Variants in CTRC observed in about 807,000 individuals in gnomAD.
CTRC encodes chymotrypsin-C.
CTRC carries 32 observed loss-of-function variants against 35.7 expected under a neutral mutation model. That is an observed-to-expected ratio of 0.90 (90% CI 0.68 to 1.20). The LOEUF (loss-of-function observed/expected upper bound fraction) is 1.20, where lower values mean the gene tolerates loss of function less well. Ranked by LOEUF, CTRC falls within the 50% of genes most tolerant of loss-of-function variation. The pLI, the probability that CTRC is intolerant of heterozygous loss-of-function variation, is 0.00. For synonymous variants in CTRC, 119 were observed against 149.5 expected (o/e 0.80, Z 1.49); for missense variants, 324 against 361.5 (o/e 0.90, Z 0.84).
At chr1:15,439,464 G>A (rs1708091662) in intron 1 of CTRC, among the ~76,000 whole-genome samples, 2 of 151,896 alleles carry the variant, frequency 1.3e-5, no homozygotes, top group Non-Finnish European at 2.9e-5. Flanking sequence ...AAGAGGTAGG[G>A]TCTTTTCATA....
At chr1:15,441,129 G>A (rs748958634) in intron 3 of CTRC, among the ~76,000 whole-genome samples, 1 of 152,144 alleles carries the variant, frequency 6.6e-6, no homozygotes, top group Non-Finnish European at 1.5e-5. Flanking sequence ...GCAATGAGCC[G>A]AGATGGCGCC....
rs2312545 is a variant in CTRC, at chr1:15,447,164, G to A, written c.*575G>A. On this transcript the variant is annotated 3_prime_UTR_variant, in exon 8 of 8. Transcript: ENST00000375949. The stretch of plus-strand genomic sequence containing the variant: ...AGCAGGGACCCCCCACCCCCACCCC[G>A]CAGCACAGACCCCATGGCTGCTGTT... 419 of 214,584 alleles carry A rather than the reference G, an allele frequency of 2.0e-3. 2 individuals are homozygous for A. The highest frequency in any genetic ancestry group is 8.2e-3 in the African/African-American group (350 of 42,652). 13.3% of individuals were successfully genotyped at this position (214,584 alleles called of 1,614,324 possible).
intron 6 of CTRC, 104 bp downstream of exon 6, chr1:15,444,855 GCGAGC>G: frequency 6.7e-7 from 1 of 1,482,708 alleles, no homozygotes; most frequent in Non-Finnish European, 9.3e-7. Context: ...AGGAGACTGA[GCGAGC>G]CCTGGCTGGG....
In CTRC at chr1:15,447,577, C is replaced by T. The variant is rs1319690179; in HGVS notation, c.*988C>T. 2.0e-5 allele frequency: 3 copies of T among 152,534 alleles called. No individual in the cohort carries two copies. Among genetic ancestry groups the T allele is most frequent in the Non-Finnish European group, 4.4e-5 (3 of 68,346 alleles). The allele number at this position is 152,534 out of a possible 1,614,324, so 9.4% of individuals were successfully genotyped here. ...GGGGCAGCCAGAGATGAGAGAGATC[C>T]AATGTCCAGGGAGGGACATGCCAGG... On this transcript the variant is annotated 3_prime_UTR_variant, in exon 8 of 8. Transcript: ENST00000375949.
intron 1 of CTRC, among the ~76,000 whole-genome samples, chr1:15,438,764 G>T (rs764761065): frequency 6.6e-6 from 1 of 152,180 alleles, no homozygotes; most frequent in South Asian, 2.1e-4. Context: ...CACCACGCAA[G>T]GGGGAGGGAC....
chr1:15,445,919 CACTCAT>C (rs1180369928), intron 7 of CTRC, among the ~76,000 whole-genome samples, 170 bp downstream of exon 7: 5 of 152,102 alleles, frequency 3.3e-5, no homozygotes, highest in Non-Finnish European at 5.9e-5. Flanking sequence ...CTTATTCAGT[CACTCAT>C]TCATGTATTT....
chr1:15,440,238 A>AACCCC, intron 1 of CTRC, 62 bp from the exon 2 acceptor site: 2 of 313,704 alleles, frequency 6.4e-6, no homozygotes, highest in Non-Finnish European at 6.5e-6. Flanking sequence ...CCACCCTCCC[A>AACCCC]CCCCTTTCCC....
intron 6 of CTRC, among the ~76,000 whole-genome samples, 179 bp downstream of exon 6, chr1:15,444,930 G>A (rs1708194309): frequency 6.6e-6 from 1 of 152,164 alleles, no homozygotes; most frequent in Admixed American, 6.5e-5. Context: ...CATGAGCATT[G>A]AGCACGAGTA....
chr1:15,444,530 G>A, intron 5 of CTRC, 76 bp from the exon 6 acceptor site: 2 of 1,581,798 alleles, frequency 1.3e-6, no homozygotes, highest in South Asian at 2.2e-5. Context: ...CCAGGCATCT[G>A]CTCCCTGAAG....
chr1:15,444,707 A>C lies in CTRC; in HGVS notation c.595A>C (p.Thr199Pro). The C allele has an allele frequency of 1.9e-6, 3 of 1,614,134 alleles. No homozygotes were observed. The highest frequency in any genetic ancestry group is 2.5e-6 in the Non-Finnish European group (3 of 1,180,026). Reference sequence around the variant, plus strand: ...CTGGTGGGGCTTCAGGGTGAAGAAAACCATGGTGTGCGCTGGGGGCGATGG... The same window carrying C: ...CTGGTGGGGCTTCAGGGTGAAGAAACCCATGGTGTGCGCTGGGGGCGATGG... ...IDWWGFRVKK[T>P]MVCAGGDGVI... The change falls in exon 6 of 8, where the codon ACC (threonine) becomes CCC (proline). Residue 199 changes from threonine to proline, a missense_variant. Physicochemically the swap from Thr to Pro is conservative, Grantham distance 38. Transcript: ENST00000375949.
rs72865144 is a variant in CTRC at position 15,446,504 on chromosome 1, G to T, written c.793-71G>T. On this transcript the variant is annotated intron_variant, in intron 7 of 7. Coordinates refer to ENST00000375949, the MANE Select transcript of CTRC (RefSeq NM_007272.3). ...CCATGCCCCCATGGACCCACCCTCCGGGCAGAGCCCTGTGCCACCCTAGAA... is the reference window on the plus strand; with the variant it reads ...CCATGCCCCCATGGACCCACCCTCCTGGCAGAGCCCTGTGCCACCCTAGAA... The T allele has an allele frequency of 3.3e-6, 5 of 1,537,810 alleles. No homozygotes were observed. In the South Asian group the frequency reaches 3.3e-5, roughly 10 times the overall value.
At chr1:15,439,854 G>T (rs1708099844) in intron 1 of CTRC, among the ~76,000 whole-genome samples, 1 of 152,212 alleles carries the variant, frequency 6.6e-6, no homozygotes, top group African/African-American at 2.4e-5. Context: ...CGATTCTCCT[G>T]CCTCAGCCTC....
intron 1 of CTRC, among the ~76,000 whole-genome samples, chr1:15,439,176 A>T (rs911258467): frequency 5.3e-5 from 8 of 152,144 alleles, no homozygotes; most frequent in African/African-American, 1.9e-4. Context: ...CTGTAATCCC[A>T]GCACTTTGGG....
In CTRC at chr1:15,440,486, C is replaced by T; in HGVS notation, c.133-7C>T. The T allele has an allele frequency of 6.2e-7, 1 of 1,614,104 alleles. No individual in the cohort carries two copies. ...GCTGACACACAGCCCTCCCCACCCTCCTGCAGATCTCCCTCCAGTACCTCA... is the reference window on the plus strand; with the variant it reads ...GCTGACACACAGCCCTCCCCACCCTTCTGCAGATCTCCCTCCAGTACCTCA... On this transcript the variant is annotated splice_polypyrimidine_tract_variant and splice_region_variant and intron_variant, in intron 2 of 7. Coordinates refer to ENST00000375949, the MANE Select transcript of CTRC (RefSeq NM_007272.3).
rs374390708 is a variant in CTRC, at chr1:15,438,570, G to A, written c.40+66G>A. ...TCGGGCTGGCCTCCAGGGCAAGGAC[G>A]GGATGGGGAGTGGGGGGGCCTCTGC... On this transcript the variant is annotated intron_variant, in intron 1 of 7. Transcript: ENST00000375949. 197 of 1,580,176 alleles carry A rather than the reference G, an allele frequency of 1.2e-4. 1 individual carries two copies. Among genetic ancestry groups the A allele is most frequent in the Middle Eastern group, 5.0e-4 (3 of 5,996 alleles).
chr1:15,444,967 T>C (rs1036163416), intron 6 of CTRC, among the ~76,000 whole-genome samples: 15 of 152,154 alleles, frequency 9.9e-5, no homozygotes, highest in Admixed American at 9.8e-4. Flanking sequence ...AGTCCCACCA[T>C]TTATGAGCTA....
Position 15,438,516 on chromosome 1 carries a change from G to C in CTRC, c.40+12G>C, listed in dbSNP as rs781396039. On this transcript the variant is annotated intron_variant, in intron 1 of 7. Coordinates refer to ENST00000375949, the MANE Select transcript of CTRC (RefSeq NM_007272.3). ...GCTCTTGGCCTGTGGTAAGCGGTGG[G>C]GTGGGGCTGCAGCTAGCAGGCTGTG... The C allele has an allele frequency of 1.9e-6, 3 of 1,614,004 alleles. No individual in the cohort carries two copies. In the East Asian group the frequency reaches 6.7e-5, roughly 36 times the overall value.
chr1:15,448,004 A>G lies in CTRC; in HGVS notation c.*1415A>G, dbSNP rs1178616824. The G allele has an allele frequency of 2.0e-5, 3 of 152,152 alleles. No individual in the cohort carries two copies. Among genetic ancestry groups the G allele is most frequent in the Non-Finnish European group, 4.4e-5 (3 of 68,036 alleles). 9.4% of individuals were successfully genotyped at this position (152,152 alleles called of 1,614,324 possible). A position where few individuals can be genotyped will look rare whatever the true frequency, so the allele number is the denominator to read the frequency against. On this transcript the variant is annotated 3_prime_UTR_variant, in exon 8 of 8. Coordinates refer to ENST00000375949, the MANE Select transcript of CTRC (RefSeq NM_007272.3). ...AGAAATACAGACCAGAAGCATAGAA[A>G]CAGGACACCTGAAGCAGTGTCAGTT... is the stretch of plus-strand genomic sequence containing the variant.
At chr1:15,445,202 A>G (rs1708198734) in intron 6 of CTRC, among the ~76,000 whole-genome samples, 1 of 152,138 alleles carries the variant, frequency 6.6e-6, no homozygotes, top group South Asian at 2.1e-4. Flanking sequence ...GTTTTCAAAC[A>G]CACAACCCTC....
Sources: gnomAD v4.1 joint callset for allele counts (sites outside exome capture counted in the v4.1 genomes callset) on GRCh38, gnomAD v4.1.1 for gene constraint, MANE v1.5 for transcripts, NCBI Gene and HGNC (gene_info 2026-07-23, HGNC 2026-07-21) for gene names.